MYRIP: variants seen among roughly 807,000 people sequenced by gnomAD.
MYRIP encodes myosin VIIA and Rab interacting protein, also known as rab effector MyRIP.
Under a neutral mutation model 98.0 loss-of-function variants are expected in MYRIP, and 49 were observed. That is an observed-to-expected ratio of 0.50 (90% CI 0.40 to 0.63). The LOEUF is 0.63. Ranked by LOEUF, MYRIP falls within the 30% of genes least tolerant of loss-of-function variation. MYRIP has a pLI of 0.00. For missense variants in MYRIP, 1,004 were observed against 1,058.2 expected (o/e 0.95, Z 0.71); for synonymous variants, 404 against 409.5 (o/e 0.99, Z 0.16).
intron 3 of MYRIP, among the ~76,000 whole-genome samples, chr3:40,096,299 C>T (rs914167938): frequency 3.3e-5 from 5 of 152,072 alleles, no homozygotes; most frequent in African/African-American, 9.7e-5. Context: ...ACTGTGACAG[C>T]GGTGGGGATG....
chr3:40,197,124 G>A (rs1382537604), intron 10 of MYRIP, among the ~76,000 whole-genome samples: 1 of 152,182 alleles, frequency 6.6e-6, no homozygotes, highest in Non-Finnish European at 1.5e-5. Context: ...CGTGGGAGGT[G>A]AGGGATGGTT....
intron 2 of MYRIP, among the ~76,000 whole-genome samples, chr3:39,980,373 G>A (rs1945860676): frequency 6.6e-6 from 1 of 152,200 alleles, no homozygotes; most frequent in African/African-American, 2.4e-5. Flanking sequence ...CTTGGGTAGA[G>A]GAACTCCCAT....
intron 15 of MYRIP, 108 bp downstream of exon 15, chr3:40,250,607 A>C (rs1316533222): frequency 7.8e-7 from 1 of 1,277,646 alleles, no homozygotes; most frequent in Non-Finnish European, 1.1e-6. Context: ...GAGTGTTCTC[A>C]CACAGAATTG....
At chr3:40,203,833 ATATT>A (rs1337850972) in intron 10 of MYRIP, among the ~76,000 whole-genome samples, 42 of 1,710 alleles carry the variant, frequency 0.025, 4 homozygotes, top group African/African-American at 0.095. Context: ...ATATTTATAT[ATATT>A]TATTTATTTA....
chr3:40,203,386 G>A (rs6792990), intron 10 of MYRIP, among the ~76,000 whole-genome samples: 69,445 of 151,642 alleles, frequency 0.46, 16,799 homozygotes, highest in Non-Finnish European at 0.55. Flanking sequence ...ATATAAATGC[G>A]GATATAAGAA....
At chr3:39,900,678 C>T (rs1299664644) in intron 1 of MYRIP, 109 bp from the exon 2 acceptor site, 2 of 575,096 alleles carry the variant, frequency 3.5e-6, no homozygotes, top group Admixed American at 6.8e-5. Context: ...TACTACCTTA[C>T]ATAAACACTT....
intron 16 of MYRIP, 100 bp downstream of exon 16, chr3:40,252,099 A>C: frequency 1.1e-6 from 1 of 889,382 alleles, no homozygotes; most frequent in Non-Finnish European, 1.8e-6. Flanking sequence ...GAACCCCCAA[A>C]AAGTATCCTT....
Position 39,982,264 on chromosome 3 carries a change from G to A in MYRIP, c.111-61786G>A, listed in dbSNP as rs1256994387. Among the ~76,000 whole-genome samples, 4 of 152,262 alleles carry A rather than the reference G, an allele frequency of 2.6e-5. No homozygotes were observed. The East Asian group carries it at 5.8e-4, about 22-fold the overall frequency. On this transcript the variant is annotated intron_variant, in intron 2 of 16. Transcript: ENST00000302541. The stretch of plus-strand genomic sequence containing the variant: ...ATAATTGGTGACAGAGTTGAACAGG[G>A]CTTTGTGGATGTAGCCATCCTTTCA...
At chr3:40,178,956 G>T (rs945764241) in intron 8 of MYRIP, among the ~76,000 whole-genome samples, 2 of 152,172 alleles carry the variant, frequency 1.3e-5, no homozygotes, top group Non-Finnish European at 2.9e-5. Flanking sequence ...CTCTAACTCA[G>T]ACCAGCTCTT....
chr3:39,911,908 C>T (rs114687845), intron 2 of MYRIP, among the ~76,000 whole-genome samples: 185 of 152,318 alleles, frequency 1.2e-3, no homozygotes, highest in Admixed American at 2.5e-3. Context: ...CCTCCTGGTC[C>T]GTTTCTGAAC....
intron 1 of MYRIP, among the ~76,000 whole-genome samples, chr3:39,900,020 C>T (rs1451138791): frequency 1.3e-5 from 2 of 152,194 alleles, no homozygotes; most frequent in African/African-American, 4.8e-5. Flanking sequence ...AGGGTTTCAC[C>T]ATGTTGGCCA....
At chr3:40,027,833 C>A (rs988620343) in intron 2 of MYRIP, among the ~76,000 whole-genome samples, 5 of 151,962 alleles carry the variant, frequency 3.3e-5, no homozygotes, top group African/African-American at 1.2e-4. Context: ...GCAAGATGGG[C>A]AGGGTCAAGA....
At position 40,193,539 on chromosome 3, in the gene MYRIP, G is replaced by A. The variant is rs562850992; in HGVS notation, c.1665+3076G>A. On this transcript the variant is annotated intron_variant, in intron 10 of 16. Transcript: ENST00000302541. The stretch of plus-strand genomic sequence containing the variant: ...ATGTTTTGATTTTATAAACAATACC[G>A]CAGAGAGTATTGTAGCATAAACCTC... 9.2e-5 allele frequency among the ~76,000 whole-genome samples: 14 copies of A among 152,298 alleles called. No individual in the cohort carries two copies. The East Asian group carries it at 2.5e-3, about 27-fold the overall frequency.
intron 11 of MYRIP, among the ~76,000 whole-genome samples, chr3:40,231,415 C>A (rs1405359877): frequency 6.6e-6 from 1 of 152,164 alleles, no homozygotes; most frequent in Admixed American, 6.5e-5. Context: ...ACCATAGGTT[C>A]CCAATAAAAA....
At chr3:39,947,754 C>CAG (rs1161153222) in intron 2 of MYRIP, among the ~76,000 whole-genome samples, 1 of 152,142 alleles carries the variant, frequency 6.6e-6, no homozygotes, top group Non-Finnish European at 1.5e-5. Flanking sequence ...GCCTGGGCAA[C>CAG]AGAGAGAGAC....
chr3:39,859,401 G>A (rs184733942), intron 1 of MYRIP, among the ~76,000 whole-genome samples: 97 of 152,196 alleles, frequency 6.4e-4, no homozygotes, highest in Admixed American at 3.0e-3. Context: ...TGCCAACAAA[G>A]AAAAGCCCCA....
chr3:40,077,063 G>A (rs1234140885), intron 3 of MYRIP, among the ~76,000 whole-genome samples: 1 of 152,012 alleles, frequency 6.6e-6, no homozygotes, highest in Non-Finnish European at 1.5e-5. Flanking sequence ...CTCTTAAGGT[G>A]GCGCGTCTGG....
intron 2 of MYRIP, among the ~76,000 whole-genome samples, chr3:40,019,817 T>C (rs1428731891): frequency 6.6e-6 from 1 of 151,940 alleles, no homozygotes; most frequent in Non-Finnish European, 1.5e-5. Flanking sequence ...TTGCAAGTGA[T>C]TCAAATTAAT....
chr3:39,884,475 T>C lies in MYRIP; in HGVS notation c.-30-16312T>C, dbSNP rs564102561. On this transcript the variant is annotated intron_variant, in intron 1 of 16. Transcript: ENST00000302541. ...TGGTTGGACTTTGAGTAAAGCAGAT[T>C]ACCCTCCACAATGTGGATGGGCCCC... Among the ~76,000 whole-genome samples the C allele has an allele frequency of 3.3e-5, 5 of 152,232 alleles. No individual in the cohort carries two copies. In the East Asian group the frequency reaches 9.6e-4, roughly 29 times the overall value.
Sources: gnomAD v4.1 joint callset for allele counts (sites outside exome capture counted in the v4.1 genomes callset) on GRCh38, gnomAD v4.1.1 for gene constraint, MANE v1.5 for transcripts, NCBI Gene and HGNC (gene_info 2026-07-23, HGNC 2026-07-21) for gene names.